C5: variants seen among roughly 807,000 people sequenced by gnomAD.
The protein encoded by C5 is C3 and PZP-like alpha-2-macroglobulin domain-containing protein 4.
In C5, 140 loss-of-function variants were observed where a neutral mutation model predicts 218.8. The ratio of observed to expected loss-of-function variants is 0.64; its 90% CI spans 0.56 to 0.74. C5 has a LOEUF of 0.74. C5 is among the 30% of genes least tolerant of loss of function. C5 has a pLI of 0.00. For missense variants in C5, 1,700 were observed against 1,969.6 expected, an observed-to-expected ratio of 0.86 and a Z score of 2.59; for synonymous variants, 614 against 682.3, an observed-to-expected ratio of 0.90 and a Z score of 1.56.
At chr9:121,007,270 G>A (rs2047223850) in intron 18 of C5, among the ~76,000 whole-genome samples, 1 of 152,208 alleles carries the variant, frequency 6.6e-6, no homozygotes, top group Non-Finnish European at 1.5e-5. Context: ...GATGTTTGTT[G>A]TGAGTATATT....
chr9:120,963,959 A>G (rs1020925832), intron 33 of C5, among the ~76,000 whole-genome samples: 1 of 152,174 alleles, frequency 6.6e-6, no homozygotes, highest in African/African-American at 2.4e-5. Context: ...AGACCACTCT[A>G]CTGGAACACA....
At chr9:121,055,769 G>A in the C5 span, among the ~76,000 whole-genome samples, 47 of 152,280 alleles carry the variant, frequency 3.1e-4, no homozygotes, top group Admixed American at 6.5e-4. Flanking sequence ...GCCTTGGTGA[G>A]CCCCAATACA....
intron 14 of C5, 66 bp from the exon 15 acceptor site, chr9:121,016,449 G>A: frequency 1.3e-6 from 2 of 1,588,860 alleles, no homozygotes; most frequent in Non-Finnish European, 1.7e-6. Context: ...AGATCTAAAA[G>A]GTACTAATTG....
chr9:120,965,505 G>A (rs1374552075), intron 33 of C5, among the ~76,000 whole-genome samples: 1 of 150,530 alleles, frequency 6.6e-6, no homozygotes, highest in Non-Finnish European at 1.5e-5. Context: ...GGGCAACTGA[G>A]CAAGACTCTG....
At chr9:121,002,316 G>GTGTGTGTGTGTGTATATA (rs572345213) in intron 20 of C5, among the ~76,000 whole-genome samples, 1,383 of 87,276 alleles carry the variant, frequency 0.016, 68 homozygotes, top group South Asian at 0.024. Context: ...ATATGTGTGT[G>GTGTGTGTGTGTGTATATA]TATATATATA....
At chr9:121,017,878 A>G (rs2047322338) in intron 12 of C5, 26 bp from the exon 13 acceptor site, 1 of 1,420,312 alleles carries the variant, frequency 7.0e-7, no homozygotes, top group African/African-American at 1.4e-5. Flanking sequence ...AGCAGCAACA[A>G]TAAGTAAAAA....
At position 121,037,914 on chromosome 9, in the gene C5, C is replaced by T; in HGVS notation, c.459G>A (p.Lys153=). 1 of 1,532,736 alleles carries T rather than the reference C, an allele frequency of 6.5e-7. No homozygotes were observed. Among genetic ancestry groups the T allele is most frequent in the Non-Finnish European group, 8.9e-7 (1 of 1,118,658 alleles). The allele number at this position is 1,532,736 out of a possible 1,614,324, so 94.9% of individuals were successfully genotyped here. A position where few individuals can be genotyped will look rare whatever the true frequency, so the allele number is the denominator to read the frequency against. The stretch of plus-strand genomic sequence containing the variant: ...TTAAGACAGTTTCTCTTTTGGCTGG[C>T]TTCAAGTCGTCATTCAACGAATAAA... The part of the protein sequence containing the change: ...VRVYSLNDDL[K]PAKRETVLTF... Residue 153 remains lysine, a synonymous_variant, in exon 4 of 41, where the codon AAG becomes AAA. Transcript: ENST00000223642.
chr9:121,018,738 AAGGAAAGGAAGGAAGGAAGG>A (rs1251744038), intron 12 of C5, among the ~76,000 whole-genome samples: 1,771 of 99,386 alleles, frequency 0.018, 39 homozygotes, highest in African/African-American at 0.034. Context: ...GGAAGGAAGG[AAGGAAAGGAAGGAAGGAAGG>A]AAGGAAGGAA....
intron 7 of C5, among the ~76,000 whole-genome samples, chr9:121,028,240 TTGG>T (rs1324432291): frequency 6.6e-6 from 1 of 152,224 alleles, no homozygotes. Flanking sequence ...TTTTACACTG[TTGG>T]TGGGAGTGTA....
intron 34 of C5, 65 bp downstream of exon 34, chr9:120,963,571 G>T (rs2046843543): frequency 2.7e-6 from 3 of 1,128,354 alleles, no homozygotes; most frequent in Non-Finnish European, 4.0e-6. Flanking sequence ...AAGTAAAATT[G>T]TCTATAAAAT....
chr9:121,018,773 G>GGAAA (rs2047337758), intron 12 of C5, among the ~76,000 whole-genome samples: 2 of 146,976 alleles, frequency 1.4e-5, no homozygotes, highest in Non-Finnish European at 1.5e-5. Flanking sequence ...AAGGAAGGAA[G>GGAAA]GAAGGAAGGA....
chr9:121,057,057 C>T, the C5 span, among the ~76,000 whole-genome samples: 66 of 152,144 alleles, frequency 4.3e-4, no homozygotes, highest in Non-Finnish European at 5.0e-4. Context: ...AGAAACTTTA[C>T]AGGCTTGTGG....
intron 27 of C5, 98 bp downstream of exon 27, chr9:120,981,746 A>T: frequency 1.3e-6 from 1 of 785,052 alleles, no homozygotes. Context: ...AAGAAGGAAA[A>T]GAAGCTTTTG....
intron 7 of C5, among the ~76,000 whole-genome samples, chr9:121,029,430 T>A (rs1448697975): frequency 3.3e-5 from 5 of 152,250 alleles, no homozygotes; most frequent in Admixed American, 3.3e-4. Context: ...TTTTTCCACT[T>A]GTAACATGGG....
intron 21 of C5, among the ~76,000 whole-genome samples, chr9:120,997,069 G>A (rs899138853): frequency 3.3e-5 from 5 of 151,882 alleles, no homozygotes; most frequent in African/African-American, 9.7e-5. Flanking sequence ...ACAATGGAAA[G>A]TTTTCTAGAC....
At chr9:121,066,013 C>CA in the C5 span, among the ~76,000 whole-genome samples, 57 of 150,484 alleles carry the variant, frequency 3.8e-4, no homozygotes, top group South Asian at 8.4e-4. Flanking sequence ...AGCCAAAGAA[C>CA]AAAAAAAAAT....
chr9:121,021,141 G>A (rs1267991489), intron 11 of C5, among the ~76,000 whole-genome samples: 3 of 152,184 alleles, frequency 2.0e-5, no homozygotes, highest in Non-Finnish European at 4.4e-5. Flanking sequence ...AAAAAAGGGA[G>A]GCTTCCATAT....
At chr9:121,067,925 CTCAGTAATTACTTTATAAATTACTCAGTT>C in the C5 span, among the ~76,000 whole-genome samples, 1 of 152,122 alleles carries the variant, frequency 6.6e-6, no homozygotes, top group East Asian at 1.9e-4. Flanking sequence ...ATTACTCAGT[CTCAGTAATTACTTTATAAATTACTCAGTT>C]CTTTATAGTA....
chr9:121,048,597 A>G (rs1360958857), intron 1 of C5, among the ~76,000 whole-genome samples: 2 of 152,212 alleles, frequency 1.3e-5, no homozygotes, highest in Non-Finnish European at 2.9e-5. Flanking sequence ...GGTCTATGTG[A>G]TGGTAGCCGT....
Sources: gnomAD v4.1 joint callset for allele counts (sites outside exome capture counted in the v4.1 genomes callset) on GRCh38, gnomAD v4.1.1 for gene constraint, MANE v1.5 for transcripts, NCBI Gene and HGNC (gene_info 2026-07-23, HGNC 2026-07-21) for gene names.